CNTN6: variants seen among roughly 807,000 people sequenced by gnomAD.
CNTN6 encodes the protein contactin 6.
Under a neutral mutation model 122.8 loss-of-function variants are expected in CNTN6, and 137 were observed. The observed-to-expected ratio is 1.12, with a 90% CI of 0.97 to 1.29. The LOEUF is 1.29. Ranked by LOEUF, CNTN6 falls within the 50% of genes most tolerant of loss-of-function variation. CNTN6 has a pLI of 0.00. For synonymous variants in CNTN6, 570 were observed against 426.0 expected, an observed-to-expected ratio of 1.34 and a Z score of -4.16; for missense variants, 1,634 against 1,223.4, an observed-to-expected ratio of 1.34 and a Z score of -5.01.
At chr3:1,257,837 T>C (rs1234757655) in intron 4 of CNTN6, among the ~76,000 whole-genome samples, 1 of 152,182 alleles carries the variant, frequency 6.6e-6, no homozygotes, top group Admixed American at 6.6e-5. Context: ...ACTTTTAAAA[T>C]GGCAGCACTG....
intron 11 of CNTN6, among the ~76,000 whole-genome samples, chr3:1,336,676 G>C (rs369923443): frequency 6.6e-6 from 1 of 152,114 alleles, no homozygotes. Context: ...CTTGGCAAAT[G>C]CATGTACCTT....
chr3:1,333,921 G>A (rs910332013), intron 11 of CNTN6, among the ~76,000 whole-genome samples: 1 of 152,084 alleles, frequency 6.6e-6, no homozygotes, highest in African/African-American at 2.4e-5. Flanking sequence ...TTCAGTTTTT[G>A]AAAGGCTGTT....
At chr3:1,235,193 G>A (rs6787644) in intron 4 of CNTN6, among the ~76,000 whole-genome samples, 8,534 of 152,192 alleles carry the variant, frequency 0.056, 846 homozygotes, top group African/African-American at 0.2. Flanking sequence ...CAGGCTAAGA[G>A]TTGGGATGGG....
intron 7 of CNTN6, among the ~76,000 whole-genome samples, chr3:1,312,318 G>T (rs898523519): frequency 1.4e-5 from 2 of 145,934 alleles, no homozygotes; most frequent in African/African-American, 5.2e-5. Context: ...CATCCAAGAA[G>T]AATATATATA....
chr3:1,170,339 A>AG (rs1309638726), intron 2 of CNTN6, among the ~76,000 whole-genome samples: 1 of 152,070 alleles, frequency 6.6e-6, no homozygotes, highest in Admixed American at 6.5e-5. Context: ...TGAGGTAGAA[A>AG]GGACAATAAG....
intron 1 of CNTN6, among the ~76,000 whole-genome samples, chr3:1,101,307 C>T (rs1355403439): frequency 6.6e-6 from 1 of 152,130 alleles, no homozygotes; most frequent in Non-Finnish European, 1.5e-5. Flanking sequence ...AATCTCCTTG[C>T]CAGTCTGAGT....
intron 16 of CNTN6, 93 bp downstream of exon 16, chr3:1,374,166 T>C (rs1313827046): frequency 2.3e-6 from 3 of 1,330,742 alleles, no homozygotes; most frequent in Non-Finnish European, 3.0e-6. Flanking sequence ...TCTAATACTT[T>C]TGGCTCAAAA....
intron 1 of CNTN6, among the ~76,000 whole-genome samples, chr3:1,127,949 T>G (rs2092221960): frequency 6.6e-6 from 1 of 151,900 alleles, no homozygotes; most frequent in Non-Finnish European, 1.5e-5. Flanking sequence ...CCTTTTAAAT[T>G]GAGTGAGCAC....
chr3:1,154,378 T>G (rs1220450628), intron 2 of CNTN6, among the ~76,000 whole-genome samples: 1 of 152,008 alleles, frequency 6.6e-6, no homozygotes, highest in East Asian at 1.9e-4. Flanking sequence ...TTAAGGGTAC[T>G]CAAAAATAGC....
At position 1,242,070 on chromosome 3, in the gene CNTN6, G is replaced by A. The variant is rs1460103779; in HGVS notation, c.358+14077G>A. On this transcript the variant is annotated intron_variant, in intron 4 of 22. Transcript: ENST00000446702. Reference sequence around the variant, plus strand: ...TTTGAGAGATCAGTCGGACACGATTGGCAGGGAAAGCACGTGTGTTTTTAT... The same window carrying A: ...TTTGAGAGATCAGTCGGACACGATTAGCAGGGAAAGCACGTGTGTTTTTAT... 3.9e-5 allele frequency among the ~76,000 whole-genome samples: 6 copies of A among 152,200 alleles called. No individual in the cohort carries two copies. The East Asian group carries it at 5.8e-4, about 15-fold the overall frequency.
rs760321894 is a variant in CNTN6, at chr3:1,383,177, G to GTAAGT, written c.2401+3_2401+7dup. On this transcript the variant is annotated splice_donor_variant, in intron 18 of 22. Transcript: ENST00000446702. LOFTEE classifies it high-confidence loss of function. ...ACCATTGTCTACTCTGGGGAAGATGGTAAGTTGTCCTCAACTCTGGTTTTC... is the reference window on the plus strand; with the variant it reads ...ACCATTGTCTACTCTGGGGAAGATGGTAAGTTAAGTTGTCCTCAACTCTGGTTTTC... 1.9e-5 allele frequency: 30 copies of GTAAGT among 1,611,622 alleles called. No individual in the cohort carries two copies. Among genetic ancestry groups the GTAAGT allele is most frequent in the Non-Finnish European group, 2.5e-5 (29 of 1,177,892 alleles).
At position 1,126,349 on chromosome 3, in the gene CNTN6, C is replaced by G. The variant is rs2092158394; in HGVS notation, c.-82-21578C>G. Among the ~76,000 whole-genome samples, 3 of 151,986 alleles carry G rather than the reference C, an allele frequency of 2.0e-5. No homozygotes were observed. The South Asian group carries it at 6.2e-4, about 31-fold the overall frequency. ...TACTGGTTAAGATAAACCAGATTCT[C>G]TAATTTCCCTCCTTTGTCTTGCCAT... On this transcript the variant is annotated intron_variant, in intron 1 of 22. Transcript: ENST00000446702.
chr3:1,211,860 C>T (rs2125477021), intron 2 of CNTN6, among the ~76,000 whole-genome samples: 1 of 152,294 alleles, frequency 6.6e-6, no homozygotes, highest in East Asian at 1.9e-4. Flanking sequence ...AACATATTCA[C>T]TTCTCATCCA....
intron 4 of CNTN6, among the ~76,000 whole-genome samples, chr3:1,276,506 A>T (rs1302935201): frequency 6.6e-6 from 1 of 152,166 alleles, no homozygotes; most frequent in East Asian, 1.9e-4. Context: ...TACATAGCTC[A>T]CGATATGCTG....
intron 4 of CNTN6, among the ~76,000 whole-genome samples, chr3:1,270,800 C>CT (rs1196987365): frequency 1.3e-5 from 2 of 152,316 alleles, no homozygotes; most frequent in African/African-American, 4.8e-5. Context: ...GAGAAAAGGT[C>CT]TGTCTGGGTG....
At chr3:1,399,229 AAGAGT>A (rs531397537) in intron 20 of CNTN6, among the ~76,000 whole-genome samples, 5 of 152,126 alleles carry the variant, frequency 3.3e-5, no homozygotes, top group Non-Finnish European at 4.4e-5. Flanking sequence ...GAAAGGTATC[AAGAGT>A]AGACTAGATA....
intron 4 of CNTN6, among the ~76,000 whole-genome samples, chr3:1,272,873 A>G (rs906477968): frequency 5.9e-5 from 9 of 152,206 alleles, no homozygotes; most frequent in African/African-American, 1.9e-4. Context: ...TTCTCTTACA[A>G]TTAGATGTTA....
chr3:1,261,092 C>T lies in CNTN6; in HGVS notation c.359-17321C>T, dbSNP rs948636626. On this transcript the variant is annotated intron_variant, in intron 4 of 22. Transcript: ENST00000446702. ...TGGTTTGCCACCAGTGGAAACTAAC[C>T]AGTCTTGTCTGTTTAGTTCATTGTT... Among the ~76,000 whole-genome samples, 3 of 152,210 alleles carry T rather than the reference C, an allele frequency of 2.0e-5. No individual in the cohort carries two copies. The South Asian group carries it at 6.2e-4, about 32-fold the overall frequency.
chr3:1,398,657 A>C (rs1350113282), intron 20 of CNTN6, among the ~76,000 whole-genome samples: 1 of 152,116 alleles, frequency 6.6e-6, no homozygotes, highest in Non-Finnish European at 1.5e-5. Flanking sequence ...ACCACTAACC[A>C]AATGAGGAAT....
Sources: gnomAD v4.1 joint callset for allele counts (sites outside exome capture counted in the v4.1 genomes callset) on GRCh38, gnomAD v4.1.1 for gene constraint, MANE v1.5 for transcripts, NCBI Gene and HGNC (gene_info 2026-07-23, HGNC 2026-07-21) for gene names.